Variants in RIPOR3 observed in about 807,000 individuals in gnomAD.
The protein encoded by RIPOR3 is family with sequence similarity 65 member C.
A neutral mutation model predicts 114.3 loss-of-function variants in RIPOR3; 95 were observed. The ratio of observed to expected loss-of-function variants is 0.83; its 90% CI spans 0.70 to 0.99. RIPOR3 has a LOEUF of 0.99. Among genes scored for constraint, RIPOR3 ranks in the 50% least tolerant of loss-of-function variants. The pLI is 0.00. For missense variants in RIPOR3, 1,252 were observed against 1,266.9 expected, an observed-to-expected ratio of 0.99 and a Z score of 0.18; for synonymous variants, 575 against 543.8, an observed-to-expected ratio of 1.06 and a Z score of -0.80.
In RIPOR3 at chr20:50,670,240, C is replaced by T. The variant is rs556894084; in HGVS notation, c.3+20886G>A. On this transcript the variant is annotated intron_variant, in intron 1 of 21. Transcript: ENST00000327979. Reference sequence around the variant, plus strand: ...CAACCAGGCAGGCGGAGGCCCAGAGCATGAGTTTTACCTACTGCCGGTTTC... The same window carrying T: ...CAACCAGGCAGGCGGAGGCCCAGAGTATGAGTTTTACCTACTGCCGGTTTC... Among the ~76,000 whole-genome samples, 119 of 151,912 alleles carry T rather than the reference C, an allele frequency of 7.8e-4. 1 individual carries two copies. Among genetic ancestry groups the T allele is most frequent in the African/African-American group, 2.4e-3 (100 of 41,396 alleles).
At position 50,609,974 on chromosome 20, in the gene RIPOR3, A is replaced by T. The variant is rs1388478761; in HGVS notation, c.427-252T>A. Among the ~76,000 whole-genome samples the T allele has an allele frequency of 3.2e-3, 228 of 70,528 alleles. 12 individuals carry two copies. Among genetic ancestry groups the T allele is most frequent in the Middle Eastern group, 0.022 (2 of 92 alleles). 46.3% of individuals were successfully genotyped at this position (70,528 alleles called of 152,430 possible). On this transcript the variant is annotated intron_variant, in intron 6 of 21. Transcript: ENST00000327979. ...ACCTGCCACCACTGCCTCACCTGCC[A>T]CCCCTACCACCCCTGCCTCACCTGC...
chr20:50,648,929 T>C (rs532461536), intron 1 of RIPOR3, among the ~76,000 whole-genome samples: 267 of 152,248 alleles, frequency 1.8e-3, no homozygotes, highest in African/African-American at 6.0e-3. Flanking sequence ...TAACAGACCA[T>C]GGACAAGTAC....
At position 50,608,444 on chromosome 20, in the gene RIPOR3, C is replaced by G; in HGVS notation, c.901G>C (p.Val301Leu). The G allele has an allele frequency of 6.2e-7, 1 of 1,614,024 alleles. No individual in the cohort carries two copies. Among genetic ancestry groups the G allele is most frequent in the South Asian group, 1.1e-5 (1 of 91,082 alleles). Residue 301 changes from valine to leucine, a missense_variant, in exon 11 of 22, where the codon GTG becomes CTG. Coordinates refer to ENST00000327979, the MANE Select transcript of RIPOR3 (RefSeq NM_001290268.2). ...GTACCCAACTCCGTGATGTCCACCA[C>G]GATGACCTGCGGCCGCGTCGTGAAG... is the stretch of plus-strand genomic sequence containing the variant. ...DFFTTRPQVI[V>L]VDITELGTIK...
chr20:50,650,758 A>G (rs1242320652), intron 1 of RIPOR3, among the ~76,000 whole-genome samples: 1 of 152,034 alleles, frequency 6.6e-6, no homozygotes, highest in Non-Finnish European at 1.5e-5. Flanking sequence ...AGCACCCAAG[A>G]CCTTCCCCAG....
Position 50,602,030 on chromosome 20 carries a change from A to T in RIPOR3, c.1659+42T>A. On this transcript the variant is annotated intron_variant, in intron 13 of 21. Transcript: ENST00000327979. The surrounding 1 kb of genome is among the most constrained non-coding windows in gnomAD (Gnocchi z 4.3). ...GCCCCCGACTCCCAGTCATCATGCC[A>T]TCAGCAAAGCAGGGCCACCGCCCGG... is the stretch of plus-strand genomic sequence containing the variant. 6.9e-7 allele frequency: 1 copy of T among 1,440,944 alleles called. No homozygotes were observed. The highest frequency in any genetic ancestry group is 9.1e-7 in the Non-Finnish European group (1 of 1,098,170). 89.3% of individuals were successfully genotyped at this position (1,440,944 alleles called of 1,614,324 possible).
chr20:50,608,580 C>T lies in RIPOR3; in HGVS notation c.810+33G>A, dbSNP rs1157347912. 2.5e-6 allele frequency: 4 copies of T among 1,613,710 alleles called. No individual in the cohort carries two copies. The Admixed American group carries it at 6.7e-5, about 27-fold the overall frequency. On this transcript the variant is annotated intron_variant, in intron 10 of 21. Transcript: ENST00000327979. ...GTGGTGTCTGAGCCGAACACCCAGG[C>T]ACCCCAGCCCTGCCCCCGGGCCCCA...
At position 50,608,382 on chromosome 20, in the gene RIPOR3, G is replaced by C; in HGVS notation, c.956+7C>G. 6.2e-7 allele frequency: 1 copy of C among 1,613,834 alleles called. No individual in the cohort carries two copies. The highest frequency in any genetic ancestry group is 8.5e-7 in the Non-Finnish European group (1 of 1,179,888). On this transcript the variant is annotated splice_region_variant and intron_variant, in intron 11 of 21. Coordinates refer to ENST00000327979, the MANE Select transcript of RIPOR3 (RefSeq NM_001290268.2). ...CCTCCGCTCTCCCCAGGCTGGACGG[G>C]ACTCACTTCCACTGCACCTCCAGCT...
rs1441323738 is a variant in RIPOR3 at position 50,608,679 on chromosome 20, G to C, written c.744C>G (p.Asp248Glu). ...TCTCCTCTTCGTCCCAGGTCTGGCTGTCATCTGACTCGATCCGACCCTTGA... is the reference window on the plus strand; with the variant it reads ...TCTCCTCTTCGTCCCAGGTCTGGCTCTCATCTGACTCGATCCGACCCTTGA... ...WKLKGRIESD[D>E]SQTWDEEEKA... The change falls in exon 10 of 22, where the codon GAC becomes GAG. Residue 248 changes from aspartate to glutamate, a missense_variant. Transcript: ENST00000327979. 2.5e-6 allele frequency: 4 copies of C among 1,614,064 alleles called. No homozygotes were observed. Among genetic ancestry groups the C allele is most frequent in the Non-Finnish European group, 2.5e-6 (3 of 1,179,934 alleles).
intron 1 of RIPOR3, among the ~76,000 whole-genome samples, chr20:50,651,051 A>C (rs935837231): frequency 3.3e-5 from 5 of 151,866 alleles, no homozygotes; most frequent in Non-Finnish European, 7.4e-5. Flanking sequence ...AGCTCACTGC[A>C]ACCTCTGCCT....
intron 21 of RIPOR3, 54 bp from the exon 22 acceptor site, chr20:50,587,386 A>G: frequency 2.7e-6 from 4 of 1,493,034 alleles, no homozygotes; most frequent in Non-Finnish European, 3.7e-6. Flanking sequence ...GGCACTTCCA[A>G]CTCTCCTGGG....
intron 1 of RIPOR3, among the ~76,000 whole-genome samples, chr20:50,660,655 C>A (rs1043039118): frequency 5.3e-5 from 8 of 152,000 alleles, no homozygotes; most frequent in African/African-American, 1.9e-4. Context: ...ACAAACACCC[C>A]CTATCCAAAT....
chr20:50,608,460 C>A lies in RIPOR3; in HGVS notation c.885G>T (p.Thr295=). 1 of 1,613,978 alleles carries A rather than the reference C, an allele frequency of 6.2e-7. No homozygotes were observed. The highest frequency in any genetic ancestry group is 8.5e-7 in the Non-Finnish European group (1 of 1,179,940). Residue 295 remains threonine, a synonymous_variant, in exon 11 of 22, where the codon ACG becomes ACT. Transcript: ENST00000327979. ...VTCDIADFFT[T]RPQVIVVDIT... is the part of the protein sequence containing the mutation. Reference sequence around the variant, plus strand: ...TGTCCACCACGATGACCTGCGGCCGCGTCGTGAAGAAGTCGGCGATGTCAC... The same window carrying A: ...TGTCCACCACGATGACCTGCGGCCGAGTCGTGAAGAAGTCGGCGATGTCAC...
intron 3 of RIPOR3, 63 bp downstream of exon 3, chr20:50,619,923 A>G: frequency 6.4e-7 from 1 of 1,560,790 alleles, no homozygotes. Context: ...CCCCAGGAAG[A>G]GACAGAGAGG....
chr20:50,684,731 A>G (rs1205112315), intron 1 of RIPOR3, among the ~76,000 whole-genome samples: 6 of 152,190 alleles, frequency 3.9e-5, no homozygotes, highest in Non-Finnish European at 7.3e-5. Flanking sequence ...CAGAGCTGTC[A>G]GCTTCTGGGT....
chr20:50,664,374 C>T (rs2086112110), intron 1 of RIPOR3, among the ~76,000 whole-genome samples: 1 of 152,218 alleles, frequency 6.6e-6, no homozygotes. Context: ...TGTCTGCTCT[C>T]CATGCTGTGC....
intron 16 of RIPOR3, 33 bp from the exon 17 acceptor site, chr20:50,594,747 ACT>A: frequency 6.3e-7 from 1 of 1,589,154 alleles, no homozygotes; most frequent in Non-Finnish European, 8.6e-7. Flanking sequence ...CTGAATGGTG[ACT>A]CGGGGAGAGC....
intron 1 of RIPOR3, among the ~76,000 whole-genome samples, chr20:50,688,744 C>T (rs552264350): frequency 2.6e-4 from 39 of 152,260 alleles, no homozygotes; most frequent in East Asian, 1.2e-3. Flanking sequence ...GCACCATGGA[C>T]GCTGCTGTGC....
chr20:50,678,736 G>C (rs2086756607), intron 1 of RIPOR3, among the ~76,000 whole-genome samples: 1 of 152,104 alleles, frequency 6.6e-6, no homozygotes, highest in Non-Finnish European at 1.5e-5. Flanking sequence ...CGTTGACACA[G>C]GACTTTGCAC....
Position 50,689,088 on chromosome 20 carries a change from A to G in RIPOR3, c.3+2038T>C, listed in dbSNP as rs148704857. Among the ~76,000 whole-genome samples, 677 of 152,144 alleles carry G rather than the reference A, an allele frequency of 4.4e-3. 2 individuals carry two copies. Among genetic ancestry groups the G allele is most frequent in the Admixed American group, 7.5e-3 (115 of 15,290 alleles). ...CACAGGCCATCAGTCCTTTTCCCCA[A>G]GTCCACCTTCATTCCCGCCTCCTCC... On this transcript the variant is annotated intron_variant, in intron 1 of 21. Coordinates refer to ENST00000327979, the MANE Select transcript of RIPOR3 (RefSeq NM_001290268.2).
Sources: allele counts gnomAD v4.1 joint callset (sites outside exome capture counted in the v4.1 genomes callset), GRCh38; gene constraint gnomAD v4.1.1; non-coding constraint Gnocchi (gnomAD v3.1); transcripts MANE v1.5; gene names NCBI Gene and HGNC (gene_info 2026-07-23, HGNC 2026-07-21).